PPT1: variants seen among roughly 807,000 people sequenced by gnomAD.
The protein encoded by PPT1 is ceroid-palmitoyl-palmitoyl-protein thioesterase 1.
PPT1 carries 24 observed loss-of-function variants against 44.0 expected under a neutral mutation model. The observed-to-expected ratio is 0.54, with a 90% CI of 0.39 to 0.77. PPT1 has a LOEUF of 0.77. Ranked by LOEUF, PPT1 falls within the 30% of genes least tolerant of loss-of-function variation. PPT1 has a pLI of 0.00. For missense variants in PPT1, 341 were observed against 378.8 expected (o/e 0.90, Z 0.83); for synonymous variants, 148 against 140.2 (o/e 1.06, Z -0.39).
rs1648438021 is a variant in PPT1, at chr1:40,074,135, G to C, written c.847C>G (p.Leu283Val). 1 of 1,614,166 alleles carries C rather than the reference G, an allele frequency of 6.2e-7. No individual in the cohort carries two copies. Among genetic ancestry groups the C allele is most frequent in the East Asian group, 2.2e-5 (1 of 44,880 alleles). ...EMDNAGQLVF[L>V]ATEGDHLQLS... ...TGAAGATGGTCCCCTTCTGTAGCCA[G>C]AAACACTAGCTGTCCTGCATTGTCC... is the stretch of plus-strand genomic sequence containing the variant. The change falls in exon 9 of 9, where the codon CTG (leucine) becomes GTG (valine). Residue 283 changes from leucine to valine, a missense_variant. Leu to Val is a conservative substitution (Grantham distance 32). Coordinates refer to ENST00000642050, the MANE Select transcript of PPT1 (RefSeq NM_000310.4).
chr1:40,073,594 G>A lies in PPT1; in HGVS notation c.*467C>T. ...AGCCTTAAGAAATGATGCAGAAATA[G>A]CCAAGCAAGATTTTTCCAAGCACTG... On this transcript the variant is annotated 3_prime_UTR_variant, in exon 9 of 9. Transcript: ENST00000642050. The A allele has an allele frequency of 5.5e-6, 1 of 182,958 alleles. No individual in the cohort carries two copies. Among genetic ancestry groups the A allele is most frequent in the South Asian group, 1.0e-4 (1 of 9,668 alleles). 11.3% of individuals were successfully genotyped at this position (182,958 alleles called of 1,614,324 possible).
chr1:40,079,487 C>T (rs570994903), intron 6 of PPT1, among the ~76,000 whole-genome samples: 1 of 147,660 alleles, frequency 6.8e-6, no homozygotes, highest in African/African-American at 2.5e-5. Flanking sequence ...ACCTCTGCCT[C>T]CCAGGTTCAA....
intron 5 of PPT1, among the ~76,000 whole-genome samples, chr1:40,081,524 G>A (rs1190188604): frequency 2.0e-5 from 3 of 148,876 alleles, no homozygotes; most frequent in East Asian, 2.0e-4. Flanking sequence ...GAGACAGAGC[G>A]AGAATCCATC....
chr1:40,089,400 C>T lies in PPT1; in HGVS notation c.536+10G>A, dbSNP rs1293510783. 2 of 1,607,480 alleles carry T rather than the reference C, an allele frequency of 1.2e-6. No homozygotes were observed. The highest frequency in any genetic ancestry group is 1.7e-6 in the Non-Finnish European group (2 of 1,174,018). ...ACAGGTCTGTAATCTTTTCAGCTAACCATACATACCGTTCCTGAACAACTT... is the reference window on the plus strand; with the variant it reads ...ACAGGTCTGTAATCTTTTCAGCTAATCATACATACCGTTCCTGAACAACTT... On this transcript the variant is annotated intron_variant, in intron 5 of 8. Transcript: ENST00000642050.
At chr1:40,072,174 G>A (rs1295858633), downstream of PPT1, 1 of 397,862 alleles carries the variant, frequency 2.5e-6, no homozygotes, top group East Asian at 3.6e-5. Context: ...CTTCATCCAG[G>A]GCAGTTAATG....
intron 1 of PPT1, among the ~76,000 whole-genome samples, chr1:40,095,393 TG>T (rs764038508): frequency 1.3e-4 from 20 of 152,166 alleles, no homozygotes; most frequent in Admixed American, 5.9e-4. Flanking sequence ...ACTAGCTGTA[TG>T]CCGAAGACTC....
At chr1:40,076,775 A>T in intron 8 of PPT1, 67 bp downstream of exon 8, 3 of 1,611,678 alleles carry the variant, frequency 1.9e-6, no homozygotes, top group Non-Finnish European at 2.5e-6. Flanking sequence ...ACCAAAGAAC[A>T]TAGCAGCTTC....
chr1:40,087,097 G>A (rs948542584), intron 5 of PPT1, among the ~76,000 whole-genome samples: 6 of 151,802 alleles, frequency 4.0e-5, no homozygotes, highest in African/African-American at 1.5e-4. Flanking sequence ...AAAACATGTT[G>A]CCATTTTTTA....
At chr1:40,093,543 A>G (rs1649680960) in intron 1 of PPT1, among the ~76,000 whole-genome samples, 1 of 152,202 alleles carries the variant, frequency 6.6e-6, no homozygotes, top group South Asian at 2.1e-4. Flanking sequence ...AACAGAAGAA[A>G]GAACATTTTT....
Position 40,089,495 on chromosome 1 carries a change from G to C in PPT1, c.451C>G (p.Arg151Gly), listed in dbSNP as rs137852700. The C allele has an allele frequency of 1.2e-6, 2 of 1,614,008 alleles. No individual in the cohort carries two copies. The highest frequency in any genetic ancestry group is 4.5e-5 in the East Asian group (2 of 44,880). The change falls in exon 5 of 9, where the codon CGA becomes GGA. Residue 151 changes from arginine to glycine, a missense_variant. Transcript: ENST00000642050. The part of the protein sequence containing the change: ...GQHQGVFGLP[R>G]CPGESSHICD... ...ATGTGAGAGCTCTCTCCTGGGCATC[G>C]AGGGAGTCCAAAAACACCTACAGTG... is the stretch of plus-strand genomic sequence containing the variant.
chr1:40,082,108 A>C (rs3122429), intron 5 of PPT1: 84,649 of 152,030 alleles, frequency 0.56, 25,507 homozygotes, highest in Non-Finnish European at 0.68. Flanking sequence ...GGTTACCCCA[A>C]GGCCTCACAT....
At chr1:40,088,589 A>G (rs763018652) in intron 5 of PPT1, among the ~76,000 whole-genome samples, 2 of 152,164 alleles carry the variant, frequency 1.3e-5, no homozygotes, top group South Asian at 2.1e-4. Context: ...ATAGATTTTA[A>G]CAGAGACAGG....
In PPT1 at chr1:40,080,400, C is replaced by G; in HGVS notation, c.624G>C (p.Glu208Asp). ...HSIFLADINQ[E>D]RGINESYKKN... ...GGAGCCCGGTTTGGGTGCTTACCCG[C>G]TCCTGATTTATATCTGCCAAGAAGA... Residue 208 changes from glutamate to aspartate, a missense_variant, in exon 6 of 9, where the codon GAG becomes GAC. By Grantham distance (45) the Glu-to-Asp change is conservative. Coordinates refer to ENST00000642050, the MANE Select transcript of PPT1 (RefSeq NM_000310.4). 1 of 1,613,872 alleles carries G rather than the reference C, an allele frequency of 6.2e-7. No individual in the cohort carries two copies. The highest frequency in any genetic ancestry group is 1.1e-5 in the South Asian group (1 of 91,082).
At position 40,097,198 on chromosome 1, in the gene PPT1, A is replaced by G; in HGVS notation, c.41T>C (p.Leu14Pro). The G allele has an allele frequency of 3.1e-6, 5 of 1,614,050 alleles. No homozygotes were observed. The highest frequency in any genetic ancestry group is 4.2e-6 in the Non-Finnish European group (5 of 1,179,946). Reference protein sequence around the residue: ...PGCLWLLAVALLPWTCASRAL... With the variant: ...PGCLWLLAVAPLPWTCASRAL... Reference sequence around the variant, plus strand: ...CCGAGAAGCGCAGGTCCATGGCAGGAGAGCCACAGCCAAGAGCCACAGGCA... The same window carrying G: ...CCGAGAAGCGCAGGTCCATGGCAGGGGAGCCACAGCCAAGAGCCACAGGCA... The change falls in exon 1 of 9, where the codon CTC becomes CCC. Residue 14 changes from leucine to proline, a missense_variant. By Grantham distance (98) the Leu-to-Pro change is moderately conservative. Coordinates refer to ENST00000642050, the MANE Select transcript of PPT1 (RefSeq NM_000310.4).
intron 5 of PPT1, among the ~76,000 whole-genome samples, chr1:40,084,358 GACA>G (rs745981110): frequency 2.6e-5 from 4 of 152,152 alleles, no homozygotes; most frequent in Non-Finnish European, 4.4e-5. Flanking sequence ...CTGATGAAAC[GACA>G]ACAAAGGATT....
chr1:40,079,284 G>A (rs1648797880), intron 6 of PPT1, among the ~76,000 whole-genome samples: 1 of 151,782 alleles, frequency 6.6e-6, no homozygotes, highest in South Asian at 2.1e-4. Flanking sequence ...TTGCTATGGT[G>A]AACAGTGCTG....
chr1:40,084,483 G>A (rs1008443289), intron 5 of PPT1, among the ~76,000 whole-genome samples: 9 of 152,180 alleles, frequency 5.9e-5, no homozygotes, highest in African/African-American at 9.7e-5. Context: ...AGCATCGCAT[G>A]CTACAAAGAA....
At chr1:40,076,729 C>G in intron 8 of PPT1, 113 bp downstream of exon 8, 2 of 1,594,016 alleles carry the variant, frequency 1.3e-6, no homozygotes, top group Non-Finnish European at 1.7e-6. Context: ...TTCAGGAGTA[C>G]CTAGTGCTCT....
intron 5 of PPT1, among the ~76,000 whole-genome samples, 168 bp from the exon 6 acceptor site, chr1:40,080,655 C>G (rs1176006299): frequency 6.6e-6 from 1 of 152,056 alleles, no homozygotes; most frequent in African/African-American, 2.4e-5. Flanking sequence ...GCAGGTGGAT[C>G]ACGAGGTCAG....
Sources: allele counts gnomAD v4.1 joint callset (sites outside exome capture counted in the v4.1 genomes callset), GRCh38; gene constraint gnomAD v4.1.1; transcripts MANE v1.5; gene names NCBI Gene and HGNC (gene_info 2026-07-23, HGNC 2026-07-21).